Variants in ZFAT observed in about 807,000 individuals in gnomAD.
The protein encoded by ZFAT is zinc finger protein ZFAT.
Under a neutral mutation model 117.7 loss-of-function variants are expected in ZFAT, and 64 were observed. The ratio of observed to expected loss-of-function variants is 0.54; its 90% confidence interval spans 0.44 to 0.67. ZFAT has a LOEUF of 0.67. Among genes scored for constraint, ZFAT ranks in the 30% least tolerant of loss-of-function variants. ZFAT has a pLI of 0.00. For missense variants in ZFAT, 1,433 were observed against 1,584.5 expected, an observed-to-expected ratio of 0.90 and a Z score of 1.62; for synonymous variants, 679 against 615.0, an observed-to-expected ratio of 1.10 and a Z score of -1.54.
At chr8:134,597,690 C>T (rs1159375924) in intron 7 of ZFAT, 2 of 152,132 alleles carry the variant, frequency 1.3e-5, no homozygotes, top group Admixed American at 6.6e-5. Context: ...TCTCAATGCC[C>T]GACACGTAGA....
At chr8:134,547,854 T>C (rs1286601923) in intron 11 of ZFAT, among the ~76,000 whole-genome samples, 1 of 152,246 alleles carries the variant, frequency 6.6e-6, no homozygotes, top group Admixed American at 6.5e-5. Context: ...CCCATGAGCC[T>C]TGGGACCATG....
At chr8:134,818,171 C>T in the ZFAT span, among the ~76,000 whole-genome samples, 1 of 152,132 alleles carries the variant, frequency 6.6e-6, no homozygotes, top group Non-Finnish European at 1.5e-5. Context: ...CTTTGCCCTT[C>T]AAAAGACATT....
At chr8:134,658,306 C>T (rs1831742693) in intron 1 of ZFAT, among the ~76,000 whole-genome samples, 1 of 133,610 alleles carries the variant, frequency 7.5e-6, no homozygotes, top group Non-Finnish European at 1.5e-5. Flanking sequence ...CACTGCACTC[C>T]AGCCTGGGCG....
chr8:134,607,066 A>G (rs1331671557), intron 5 of ZFAT, among the ~76,000 whole-genome samples: 2 of 152,202 alleles, frequency 1.3e-5, no homozygotes, highest in Non-Finnish European at 2.9e-5. Context: ...ATATTAATAG[A>G]ATGCATGACA....
chr8:134,694,199 G>A (rs1339147752), intron 1 of ZFAT, among the ~76,000 whole-genome samples: 3 of 152,132 alleles, frequency 2.0e-5, no homozygotes, highest in Non-Finnish European at 4.4e-5. Flanking sequence ...TGAGGCACGT[G>A]GCTGAGGTGT....
rs1830309186 is a variant in ZFAT, at chr8:134,637,707, A to G, written c.202T>C (p.Leu68=). Residue 68 remains leucine, a synonymous_variant, in exon 3 of 16, where the codon TTG becomes CTG. Transcript: ENST00000377838. ...CTGCCTCTCTTCCTCTTCATGACCA[A>G]AAACTCTACAGAGGAAACAAGAGGG... is the stretch of plus-strand genomic sequence containing the variant. ...PNSSKTGDEF[L]VMKRKRGRPK... is the part of the protein sequence containing the mutation. 6.2e-7 allele frequency: 1 copy of G among 1,613,596 alleles called. No individual in the cohort carries two copies. The highest frequency in any genetic ancestry group is 8.5e-7 in the Non-Finnish European group (1 of 1,179,758).
chr8:134,705,695 A>T (rs1489242483), intron 1 of ZFAT, among the ~76,000 whole-genome samples: 2 of 145,538 alleles, frequency 1.4e-5, no homozygotes, highest in Non-Finnish European at 3.0e-5. Context: ...AGCCTGGCTA[A>T]TTTTTTTTTT....
In ZFAT at chr8:134,590,313, A is replaced by C; in HGVS notation, c.2518T>G (p.Ser840Ala). Residue 840 changes from serine to alanine, a missense_variant, in exon 8 of 16, where the codon TCA becomes GCA. Around this residue, in one of 5 missense-constraint regions of ZFAT, gnomAD observed 503 missense variants for 543.4 expected, o/e 0.93. Transcript: ENST00000377838. ...TGTGACTTTATCAATCGATCCTCTG[A>C]AAAAGACTTTTCACAAACAGGACAA... ...YSCPVCEKSF[S>A]EDRLIKSHIK... 6.2e-7 allele frequency: 1 copy of C among 1,613,426 alleles called. No homozygotes were observed. The highest frequency in any genetic ancestry group is 8.5e-7 in the Non-Finnish European group (1 of 1,179,406).
At chr8:134,664,824 G>A (rs1586916244) in intron 1 of ZFAT, among the ~76,000 whole-genome samples, 1 of 152,330 alleles carries the variant, frequency 6.6e-6, no homozygotes, top group East Asian at 1.9e-4. Context: ...TAATTTGGAT[G>A]CATTTTTAGG....
Position 134,478,431 on chromosome 8 carries a change from C to T in ZFAT, c.*51G>A. 6.5e-7 allele frequency: 1 copy of T among 1,530,374 alleles called. No individual in the cohort carries two copies. The highest frequency in any genetic ancestry group is 8.8e-7 in the Non-Finnish European group (1 of 1,135,178). 94.8% of individuals were successfully genotyped at this position (1,530,374 alleles called of 1,614,324 possible). On this transcript the variant is annotated 3_prime_UTR_variant, in exon 16 of 16. Transcript: ENST00000377838. The surrounding 1 kb of genome is among the most constrained non-coding windows in gnomAD (Gnocchi z 5.2). ...AAGGGTGGCCTCCCCACCCTGGGTG[C>T]CTGCAGAGCCTGGCAGCCCCGCCCT...
At chr8:134,701,664 A>C (rs1834010715) in intron 1 of ZFAT, among the ~76,000 whole-genome samples, 1 of 152,178 alleles carries the variant, frequency 6.6e-6, no homozygotes. Context: ...CCATCCTCAA[A>C]GTATGTTGTC....
At chr8:134,764,039 C>T in the ZFAT span, among the ~76,000 whole-genome samples, 1 of 152,252 alleles carries the variant, frequency 6.6e-6, no homozygotes, top group East Asian at 1.9e-4. Flanking sequence ...TCTAAAATCC[C>T]CAAGGCCCTT....
At chr8:134,689,706 C>T (rs1323941591) in intron 1 of ZFAT, among the ~76,000 whole-genome samples, 1 of 152,192 alleles carries the variant, frequency 6.6e-6, no homozygotes, top group Admixed American at 6.5e-5. Flanking sequence ...CTACTTTTTT[C>T]TTAAAAGGTA....
At chr8:134,757,405 A>T in the ZFAT span, among the ~76,000 whole-genome samples, 6 of 152,094 alleles carry the variant, frequency 3.9e-5, no homozygotes, top group African/African-American at 1.4e-4. Context: ...GTTTGCAGGG[A>T]TTCCTGTCTA....
intron 15 of ZFAT, among the ~76,000 whole-genome samples, chr8:134,485,054 T>C (rs1005186346): frequency 6.6e-6 from 1 of 152,138 alleles, no homozygotes; most frequent in African/African-American, 2.4e-5. Flanking sequence ...GTGCTTGTTG[T>C]GGGTCAGGTG....
intron 7 of ZFAT, among the ~76,000 whole-genome samples, chr8:134,592,420 C>A (rs780435592): frequency 3.9e-5 from 6 of 152,224 alleles, no homozygotes; most frequent in Non-Finnish European, 7.3e-5. Flanking sequence ...CCCTGACTAG[C>A]AGAACAGGTT....
At chr8:134,787,577 T>C in the ZFAT span, among the ~76,000 whole-genome samples, 1 of 152,224 alleles carries the variant, frequency 6.6e-6, no homozygotes, top group South Asian at 2.1e-4. Flanking sequence ...ACAGTGTTAA[T>C]TACAACTACA....
chr8:134,737,097 A>C, the ZFAT span, among the ~76,000 whole-genome samples: 1 of 152,100 alleles, frequency 6.6e-6, no homozygotes, highest in Non-Finnish European at 1.5e-5. Flanking sequence ...TCTGACTAAC[A>C]TGGAGAAACC....
intron 10 of ZFAT, among the ~76,000 whole-genome samples, chr8:134,568,838 T>C (rs1415571500): frequency 6.6e-6 from 1 of 152,196 alleles, no homozygotes; most frequent in Non-Finnish European, 1.5e-5. Context: ...GGATGCAGAT[T>C]CATGACTAAT....
Sources: allele counts gnomAD v4.1 joint callset (sites outside exome capture counted in the v4.1 genomes callset), GRCh38; gene constraint gnomAD v4.1.1; regional missense constraint gnomAD v4.1.1; non-coding constraint Gnocchi (gnomAD v3.1); transcripts MANE v1.5; gene names NCBI Gene and HGNC (gene_info 2026-07-23, HGNC 2026-07-21).